The following DTX4 variants were observed in gnomAD, a reference collection of about 807,000 sequenced individuals.
The protein encoded by DTX4 is deltex E3 ubiquitin ligase 4, also known as E3 ubiquitin-protein ligase DTX4.
Under a neutral mutation model 57.6 loss-of-function variants are expected in DTX4, and 28 were observed. The observed-to-expected ratio is 0.49, with a 90% CI of 0.36 to 0.67. The LOEUF (loss-of-function observed/expected upper bound fraction) is 0.67. DTX4 is among the 30% of genes least tolerant of loss of function. The pLI is 0.00. For missense variants in DTX4, 715 were observed against 836.8 expected (o/e 0.85, Z 1.80); for synonymous variants, 316 against 331.0 (o/e 0.95, Z 0.49).
chr11:59,184,871 AC>A (rs1042649299), intron 2 of DTX4, among the ~76,000 whole-genome samples: 2 of 151,756 alleles, frequency 1.3e-5, no homozygotes, highest in Middle Eastern at 3.4e-3. Flanking sequence ...CACCTCCCTC[AC>A]CCCCAATCCC....
Position 59,207,924 on chromosome 11 carries a change from G to T in DTX4, c.*3015G>T, listed in dbSNP as rs1056114942. ...AAAGTACTCGTCTTGGTATTGCACT[G>T]TTGTGTGCATGAGAAAACTGGGGGA... On this transcript the variant is annotated 3_prime_UTR_variant, in exon 9 of 9. Coordinates refer to ENST00000227451, the MANE Select transcript of DTX4 (RefSeq NM_015177.2). 1 of 152,498 alleles carries T rather than the reference G, an allele frequency of 6.6e-6. No individual in the cohort carries two copies. Among genetic ancestry groups the T allele is most frequent in the Non-Finnish European group, 1.5e-5 (1 of 68,044 alleles). 9.4% of individuals were successfully genotyped at this position (152,498 alleles called of 1,614,324 possible).
chr11:59,182,872 A>T (rs1372263636), intron 2 of DTX4, among the ~76,000 whole-genome samples: 1 of 152,128 alleles, frequency 6.6e-6, no homozygotes, highest in Non-Finnish European at 1.5e-5. Flanking sequence ...TCTTGAGCCC[A>T]GGAGGTCAAG....
At chr11:59,196,766 C>T (rs1195253893) in intron 7 of DTX4, among the ~76,000 whole-genome samples, 1 of 152,132 alleles carries the variant, frequency 6.6e-6, no homozygotes, top group Non-Finnish European at 1.5e-5. Context: ...GCCTGATGAT[C>T]TGTCACTGTC....
intron 4 of DTX4, among the ~76,000 whole-genome samples, chr11:59,190,021 T>A (rs1226982503): frequency 6.6e-6 from 1 of 152,160 alleles, no homozygotes; most frequent in African/African-American, 2.4e-5. Context: ...TTAAATTGGA[T>A]CATGTGTGTG....
intron 8 of DTX4, among the ~76,000 whole-genome samples, chr11:59,200,188 A>G (rs1034394475): frequency 8.5e-5 from 13 of 152,204 alleles, no homozygotes; most frequent in Admixed American, 2.6e-4. Context: ...AACCCCTTAT[A>G]AAACCATCAG....
chr11:59,176,265 G>T (rs543392522), intron 1 of DTX4, among the ~76,000 whole-genome samples: 1 of 152,334 alleles, frequency 6.6e-6, no homozygotes, highest in African/African-American at 2.4e-5. Context: ...TGCACCATGT[G>T]TCTGCATCAT....
Position 59,172,541 on chromosome 11 carries a change from C to G in DTX4, c.-55C>G. On this transcript the variant is annotated 5_prime_UTR_variant, in exon 1 of 9. Coordinates refer to ENST00000227451, the MANE Select transcript of DTX4 (RefSeq NM_015177.2). ...CGGCGCAGGAGGAAGCGGAGGAGGT[C>G]GGGCGCTCGGGGCCCGGGAGGCGGG... 8.2e-7 allele frequency: 1 copy of G among 1,221,560 alleles called. No individual in the cohort carries two copies. The highest frequency in any genetic ancestry group is 4.3e-5 in the Admixed American group (1 of 23,276). 75.7% of individuals were successfully genotyped at this position (1,221,560 alleles called of 1,614,324 possible).
chr11:59,203,384 CTTT>C (rs35395150), intron 8 of DTX4, among the ~76,000 whole-genome samples: 1 of 144,890 alleles, frequency 6.9e-6, no homozygotes, highest in Admixed American at 6.9e-5. Flanking sequence ...TTTTTAAAAA[CTTT>C]TTTTTTTTTT....
In DTX4 at chr11:59,172,729, T is replaced by C; in HGVS notation, c.134T>C (p.Val45Ala). Residue 45 changes from valine to alanine, a missense_variant, in exon 1 of 9, where the codon GTG becomes GCG. Val to Ala is a moderately conservative substitution (Grantham distance 64). Transcript: ENST00000227451. ...GGCCCCCGCGCGGGGGGCAGCGTGG[T>C]GCTGGGCCAGGTGGACAGCCGTCTC... ...RAGPRAGGSVVLGQVDSRLAP... is the reference protein window; with the variant it reads ...RAGPRAGGSVALGQVDSRLAP... 6.2e-7 allele frequency: 1 copy of C among 1,604,974 alleles called. No individual in the cohort carries two copies. The highest frequency in any genetic ancestry group is 1.1e-5 in the South Asian group (1 of 89,918).
chr11:59,194,820 T>A (rs771660546), intron 6 of DTX4: 21 of 247,796 alleles, frequency 8.5e-5, no homozygotes, highest in Non-Finnish European at 1.3e-4. Flanking sequence ...ACAAGCTCTG[T>A]GGGTGATTCT....
intron 8 of DTX4, among the ~76,000 whole-genome samples, chr11:59,203,315 A>G (rs11229875): frequency 0.092 from 14,036 of 152,270 alleles, 948 homozygotes; most frequent in East Asian, 0.29. Context: ...TAAAACACAA[A>G]CACATTGTAC....
chr11:59,200,333 G>T (rs1340888263), intron 8 of DTX4, among the ~76,000 whole-genome samples: 2 of 152,156 alleles, frequency 1.3e-5, no homozygotes, highest in Non-Finnish European at 2.9e-5. Flanking sequence ...GGTTTGGGTG[G>T]GGACACAGCC....
chr11:59,207,943 T>TG lies in DTX4; in HGVS notation c.*3039dup, dbSNP rs1220545780. 2.0e-5 allele frequency: 3 copies of TG among 152,538 alleles called. No individual in the cohort carries two copies. The highest frequency in any genetic ancestry group is 7.2e-5 in the African/African-American group (3 of 41,404). The allele number at this position is 152,538 out of a possible 1,614,324, so 9.4% of individuals were successfully genotyped here. A position where few individuals can be genotyped will look rare whatever the true frequency, so the allele number is the denominator to read the frequency against. On this transcript the variant is annotated 3_prime_UTR_variant, in exon 9 of 9. Coordinates refer to ENST00000227451, the MANE Select transcript of DTX4 (RefSeq NM_015177.2). ...TGCACTGTTGTGTGCATGAGAAAAC[T>TG]GGGGGAAGGCTCACTGGTACAAGAA...
chr11:59,199,197 C>T (rs1437242005), intron 7 of DTX4, among the ~76,000 whole-genome samples: 1 of 152,184 alleles, frequency 6.6e-6, no homozygotes, highest in African/African-American at 2.4e-5. Context: ...AGTTAAAAAT[C>T]CAGAGTGTGC....
rs539543282 is a variant in DTX4 at position 59,208,582 on chromosome 11, A to C, written c.*3673A>C. On this transcript the variant is annotated 3_prime_UTR_variant, in exon 9 of 9. Coordinates refer to ENST00000227451, the MANE Select transcript of DTX4 (RefSeq NM_015177.2). Reference sequence around the variant, plus strand: ...GAACACAAAAATAAAATGCAAATACAGAGCCAGCTTTGTCACCCAAATCTG... The same window carrying C: ...GAACACAAAAATAAAATGCAAATACCGAGCCAGCTTTGTCACCCAAATCTG... 39 of 152,366 alleles carry C rather than the reference A, an allele frequency of 2.6e-4. No individual in the cohort carries two copies. Among genetic ancestry groups the C allele is most frequent in the African/African-American group, 9.4e-4 (39 of 41,578 alleles). The allele number at this position is 152,366 out of a possible 1,614,324, so 9.4% of individuals were successfully genotyped here. A position where few individuals can be genotyped will look rare whatever the true frequency, so the allele number is the denominator to read the frequency against.
At chr11:59,175,374 A>T (rs1207450190) in intron 1 of DTX4, among the ~76,000 whole-genome samples, 2 of 152,156 alleles carry the variant, frequency 1.3e-5, no homozygotes, top group Non-Finnish European at 2.9e-5. Context: ...TCTGCTGCTG[A>T]TAGAGTCCTC....
Position 59,181,799 on chromosome 11 carries a change from T to G in DTX4, c.272T>G (p.Val91Gly). Residue 91 changes from valine (V) to glycine (G), a missense_variant, in exon 2 of 9, where the codon GTG (valine) becomes GGG (glycine). Val to Gly is a moderately radical substitution (Grantham distance 109, BLOSUM62 -3). Transcript: ENST00000227451. ...YDPSSAPGKG[V>G]VWEWENDNGS... ...CCCTCCTCGGCCCCTGGGAAGGGCG[T>G]GGTGTGGGAGTGGGAGAACGACAAT... The G allele has an allele frequency of 1.9e-6, 3 of 1,613,694 alleles. No homozygotes were observed. The highest frequency in any genetic ancestry group is 2.5e-6 in the Non-Finnish European group (3 of 1,179,800).
chr11:59,192,050 G>C, intron 5 of DTX4, 48 bp from the exon 6 acceptor site: 1 of 1,589,798 alleles, frequency 6.3e-7, no homozygotes, highest in Non-Finnish European at 8.6e-7. Flanking sequence ...AATCTCCCAG[G>C]CTGAGTGAGA....
At chr11:59,192,910 C>T (rs1353609385) in intron 6 of DTX4, among the ~76,000 whole-genome samples, 4 of 152,150 alleles carry the variant, frequency 2.6e-5, no homozygotes, top group African/African-American at 4.8e-5. Flanking sequence ...TGGAAGACTC[C>T]ATAGGTGATC....
Sources: gnomAD v4.1 joint callset for allele counts (sites outside exome capture counted in the v4.1 genomes callset) on GRCh38, gnomAD v4.1.1 for gene constraint, MANE v1.5 for transcripts, NCBI Gene and HGNC (gene_info 2026-07-23, HGNC 2026-07-21) for gene names.